Variants in PRELID2 observed in about 807,000 individuals in gnomAD.
PRELID2 encodes PRELI domain-containing protein 2.
A neutral mutation model predicts 28.4 loss-of-function variants in PRELID2; 25 were observed. The observed-to-expected ratio is 0.88, with a 90% CI of 0.64 to 1.23. The LOEUF is 1.23. Ranked by LOEUF, PRELID2 falls within the 50% of genes most tolerant of loss-of-function variation. PRELID2 has a pLI of 0.00. For synonymous variants in PRELID2, 76 were observed against 71.6 expected, an observed-to-expected ratio of 1.06 and a Z score of -0.31; for missense variants, 201 against 214.4, an observed-to-expected ratio of 0.94 and a Z score of 0.39.
intron 1 of PRELID2, among the ~76,000 whole-genome samples, chr5:145,676,636 T>G (rs2149686316): frequency 6.6e-6 from 1 of 152,250 alleles, no homozygotes; most frequent in African/African-American, 2.4e-5. Context: ...AACCCACTTT[T>G]CCTGAGAAAC....
At chr5:145,521,191 G>A (rs1160324430) in intron 1 of PRELID2, among the ~76,000 whole-genome samples, 1 of 152,178 alleles carries the variant, frequency 6.6e-6, no homozygotes, top group East Asian at 1.9e-4. Context: ...TCATTCTTTT[G>A]TGGCATATTT....
chr5:145,438,705 C>T, the PRELID2 span, among the ~76,000 whole-genome samples: 3 of 152,262 alleles, frequency 2.0e-5, no homozygotes, highest in South Asian at 6.2e-4. Context: ...CTATAATTTA[C>T]TCATTTCCAC....
intron 1 of PRELID2, among the ~76,000 whole-genome samples, chr5:145,616,504 C>A (rs554544518): frequency 9.2e-5 from 14 of 152,088 alleles, no homozygotes; most frequent in Admixed American, 3.3e-4. Context: ...GGACAAGGTA[C>A]AAAAGAGAGA....
At chr5:145,488,134 A>AG (rs1370293710) in intron 1 of PRELID2, among the ~76,000 whole-genome samples, 1 of 151,688 alleles carries the variant, frequency 6.6e-6, no homozygotes, top group African/African-American at 2.4e-5. Context: ...AAAAAAAAAA[A>AG]AAAAAAAGGA....
chr5:145,280,658 A>G, the PRELID2 span, among the ~76,000 whole-genome samples: 23 of 151,904 alleles, frequency 1.5e-4, no homozygotes, highest in East Asian at 3.5e-3. Flanking sequence ...TAATAATAAT[A>G]AAATATAATA....
At chr5:145,374,144 T>A in the PRELID2 span, among the ~76,000 whole-genome samples, 2 of 151,786 alleles carry the variant, frequency 1.3e-5, no homozygotes, top group Admixed American at 6.6e-5. Context: ...CCATATTTAG[T>A]GCTTCTTTCA....
the PRELID2 span, among the ~76,000 whole-genome samples, chr5:145,236,299 T>A: frequency 1.3e-5 from 2 of 152,050 alleles, no homozygotes; most frequent in African/African-American, 2.4e-5. Context: ...AAATTTTAAA[T>A]CTCAGGACCT....
chr5:145,287,893 G>A, the PRELID2 span, among the ~76,000 whole-genome samples: 1 of 152,056 alleles, frequency 6.6e-6, no homozygotes, highest in East Asian at 1.9e-4. Context: ...GACTTACCTT[G>A]TTTTTGATGA....
At chr5:145,727,442 T>C (rs1452447165) in intron 1 of PRELID2, among the ~76,000 whole-genome samples, 1 of 152,208 alleles carries the variant, frequency 6.6e-6, no homozygotes, top group African/African-American at 2.4e-5. Flanking sequence ...TTACATTATG[T>C]CAGACATGCA....
the PRELID2 span, among the ~76,000 whole-genome samples, chr5:145,274,907 A>C: frequency 1.3e-5 from 2 of 152,158 alleles, no homozygotes; most frequent in Non-Finnish European, 2.9e-5. Context: ...TAGAAGTCTG[A>C]GATCAAGGTG....
chr5:145,834,403 TACAG>T (rs1298736048), intron 1 of PRELID2, among the ~76,000 whole-genome samples: 1 of 152,168 alleles, frequency 6.6e-6, no homozygotes, highest in Non-Finnish European at 1.5e-5. Flanking sequence ...AAGAACAATG[TACAG>T]ACAATCAATA....
At chr5:145,401,735 C>T in the PRELID2 span, among the ~76,000 whole-genome samples, 3 of 152,050 alleles carry the variant, frequency 2.0e-5, no homozygotes, top group Admixed American at 1.3e-4. Context: ...TCTAAAGTAG[C>T]AATTTGTGTT....
downstream of PRELID2, among the ~76,000 whole-genome samples, chr5:145,756,289 A>C (rs945138199): frequency 6.6e-6 from 1 of 152,240 alleles, no homozygotes; most frequent in African/African-American, 2.4e-5. Context: ...AATGATAACC[A>C]CAAGCTTGGC....
the PRELID2 span, among the ~76,000 whole-genome samples, chr5:145,456,280 T>A: frequency 6.6e-6 from 1 of 152,230 alleles, no homozygotes; most frequent in Non-Finnish European, 1.5e-5. Context: ...AGGCTTCTAA[T>A]CTTGTCGCAG....
chr5:145,398,911 G>A, the PRELID2 span, among the ~76,000 whole-genome samples: 7 of 152,124 alleles, frequency 4.6e-5, no homozygotes, highest in African/African-American at 9.7e-5. Flanking sequence ...TTAGTCTTGA[G>A]AGGATCATAT....
the PRELID2 span, among the ~76,000 whole-genome samples, chr5:145,286,037 T>C: frequency 6.6e-6 from 1 of 152,180 alleles, no homozygotes. Context: ...GCCATTTGGC[T>C]GGAGGTCTTT....
the PRELID2 span, among the ~76,000 whole-genome samples, chr5:145,406,978 C>G: frequency 6.6e-6 from 1 of 152,092 alleles, no homozygotes; most frequent in Admixed American, 6.5e-5. Context: ...CATGGGGTTC[C>G]TTGAGGAAGG....
At chr5:145,630,892 C>G (rs1753923649) in intron 1 of PRELID2, among the ~76,000 whole-genome samples, 1 of 152,176 alleles carries the variant, frequency 6.6e-6, no homozygotes, top group African/African-American at 2.4e-5. Flanking sequence ...AATATATAAA[C>G]AGAAAATATG....
At chr5:145,471,222 ATC>A (rs1429115732), downstream of PRELID2, among the ~76,000 whole-genome samples, 1 of 152,038 alleles carries the variant, frequency 6.6e-6, no homozygotes, top group Non-Finnish European at 1.5e-5. Flanking sequence ...AGCTATAAAA[ATC>A]TCTCTCATAG....
Sources: gnomAD v4.1 joint callset for allele counts (sites outside exome capture counted in the v4.1 genomes callset) on GRCh38, gnomAD v4.1.1 for gene constraint, MANE v1.5 for transcripts, NCBI Gene and HGNC (gene_info 2026-07-23, HGNC 2026-07-21) for gene names.